The following ZFP90 variants were observed in gnomAD, a reference collection of about 807,000 sequenced individuals.
ZFP90 encodes the protein zinc finger protein 90 homolog.
In ZFP90, 38 loss-of-function variants were observed where a neutral mutation model predicts 60.8. The ratio of observed to expected loss-of-function variants is 0.62; its 90% CI spans 0.48 to 0.82. The LOEUF (loss-of-function observed/expected upper bound fraction) is 0.82, where lower values mean the gene tolerates loss of function less well. Among genes scored for constraint, ZFP90 ranks in the 40% least tolerant of loss-of-function variants. The pLI, the probability that ZFP90 is intolerant of heterozygous loss-of-function variation, is 0.00. For synonymous variants in ZFP90, 287 were observed against 264.8 expected (o/e 1.08, Z -0.82); for missense variants, 711 against 759.1 (o/e 0.94, Z 0.74).
exon 3 of ZFP90, chr16:68,576,037 AT>A (rs2091592674): frequency 7.5e-5 from 18 of 241,264 alleles, no homozygotes; most frequent in East Asian, 1.6e-4. Context: ...GGAAACATTT[AT>A]TTAAAAAAAA....
chr16:68,541,170 G>A (rs1001201401), intron 2 of ZFP90, among the ~76,000 whole-genome samples: 50 of 151,936 alleles, frequency 3.3e-4, no homozygotes, highest in Admixed American at 3.3e-3. Flanking sequence ...CTAGTAGCTG[G>A]GATTAACAGG....
At chr16:68,553,893 A>G (rs540612639) in intron 2 of ZFP90, among the ~76,000 whole-genome samples, 1 of 152,112 alleles carries the variant, frequency 6.6e-6, no homozygotes, top group Admixed American at 6.5e-5. Context: ...CCAAAGTGCT[A>G]GGATCACAGG....
At chr16:68,543,515 G>A (rs748598979) in intron 2 of ZFP90, among the ~76,000 whole-genome samples, 14 of 151,854 alleles carry the variant, frequency 9.2e-5, no homozygotes, top group Non-Finnish European at 1.8e-4. Flanking sequence ...TTATAGGATT[G>A]TTAGTAGCAA....
intron 2 of ZFP90, among the ~76,000 whole-genome samples, chr16:68,574,579 C>T (rs528262172): frequency 4.3e-4 from 66 of 152,138 alleles, no homozygotes; most frequent in Admixed American, 3.5e-3. Context: ...AGAAACAATT[C>T]CTGATCCTAG....
downstream of ZFP90, among the ~76,000 whole-genome samples, chr16:68,571,564 C>T (rs1407484978): frequency 6.6e-6 from 1 of 151,990 alleles, no homozygotes; most frequent in African/African-American, 2.4e-5. Context: ...CACCAGCACA[C>T]CTGAAGGATT....
intron 2 of ZFP90, chr16:68,573,828 C>T (rs1300272253): frequency 6.6e-6 from 1 of 152,284 alleles, no homozygotes; most frequent in East Asian, 1.9e-4. Flanking sequence ...TGTGGCACAG[C>T]TAGGGACTAC....
intron 2 of ZFP90, 118 bp downstream of exon 2, chr16:68,539,943 A>C (rs2091010033): frequency 2.2e-6 from 3 of 1,386,058 alleles, no homozygotes; most frequent in Non-Finnish European, 1.9e-6. Context: ...GCTTGGCTCG[A>C]TCGGAGCCTC....
At chr16:68,561,156 A>C (rs28636033) in intron 4 of ZFP90, among the ~76,000 whole-genome samples, 3,906 of 152,274 alleles carry the variant, frequency 0.026, 164 homozygotes, top group African/African-American at 0.089. Flanking sequence ...AGGCCTCCCA[A>C]AGTGCTGGGA....
In ZFP90 at chr16:68,565,518, T is replaced by C. The variant is rs1392473183; in HGVS notation, c.*820T>C. ...ACCACAATTTAACAGAAACTGTAGA[T>C]GGTTGAACTACTAGTGACTTTTTTC... On this transcript the variant is annotated 3_prime_UTR_variant, in exon 5 of 5. Coordinates refer to ENST00000563169, the MANE Select transcript of ZFP90 (RefSeq NM_001305203.2). 1.0e-6 allele frequency: 1 copy of C among 985,458 alleles called. No individual in the cohort carries two copies. Among genetic ancestry groups the C allele is most frequent in the Non-Finnish European group, 1.2e-6 (1 of 829,942 alleles). 61.0% of individuals were successfully genotyped at this position (985,458 alleles called of 1,614,324 possible).
chr16:68,549,392 T>G (rs900971950), intron 2 of ZFP90, among the ~76,000 whole-genome samples: 1 of 151,960 alleles, frequency 6.6e-6, no homozygotes, highest in Non-Finnish European at 1.5e-5. Context: ...TTTAAGAAAT[T>G]TTTGGCTGGG....
chr16:68,543,340 T>C (rs942673675), intron 2 of ZFP90, among the ~76,000 whole-genome samples: 14 of 152,182 alleles, frequency 9.2e-5, no homozygotes, highest in African/African-American at 3.4e-4. Context: ...ATATTATATT[T>C]GATAATAGTT....
At chr16:68,536,749 T>C (rs1254635972), upstream of ZFP90, among the ~76,000 whole-genome samples, 1 of 152,208 alleles carries the variant, frequency 6.6e-6, no homozygotes, top group Non-Finnish European at 1.5e-5. Context: ...CCAAATGTTT[T>C]CATCTTTCCT....
chr16:68,558,614 C>A (rs1156268689), intron 4 of ZFP90, 46 bp downstream of exon 4: 2 of 1,544,652 alleles, frequency 1.3e-6, no homozygotes, highest in Non-Finnish European at 1.8e-6. Flanking sequence ...CAGTTAATGG[C>A]ACAACTTAGG....
chr16:68,543,745 C>T (rs976978719), intron 2 of ZFP90, among the ~76,000 whole-genome samples: 4 of 151,008 alleles, frequency 2.6e-5, no homozygotes, highest in African/African-American at 9.8e-5. Flanking sequence ...ATTTTTGGTA[C>T]AGACAGGGTT....
At chr16:68,545,449 ATG>A (rs1023638309) in intron 2 of ZFP90, among the ~76,000 whole-genome samples, 1 of 152,212 alleles carries the variant, frequency 6.6e-6, no homozygotes, top group Non-Finnish European at 1.5e-5. Context: ...ACATGAAACA[ATG>A]TGATTTGCAC....
intron 2 of ZFP90, 121 bp downstream of exon 2, chr16:68,539,946 G>A: frequency 2.2e-6 from 3 of 1,360,752 alleles, no homozygotes; most frequent in Non-Finnish European, 3.0e-6. Flanking sequence ...TGGCTCGATC[G>A]GAGCCTCCTG....
At chr16:68,573,230 G>C (rs1239144668) in intron 2 of ZFP90, among the ~76,000 whole-genome samples, 2 of 152,210 alleles carry the variant, frequency 1.3e-5, no homozygotes, top group Non-Finnish European at 2.9e-5. Flanking sequence ...CTTGAGACTG[G>C]TTAGAGGCAA....
chr16:68,547,983 A>G (rs2091182241), intron 2 of ZFP90, among the ~76,000 whole-genome samples: 1 of 151,918 alleles, frequency 6.6e-6, no homozygotes. Flanking sequence ...GTGTACCACC[A>G]TGTCTGGCTA....
chr16:68,558,240 CT>C, intron 3 of ZFP90, 116 bp downstream of exon 3: 1 of 1,465,760 alleles, frequency 6.8e-7, no homozygotes, highest in Non-Finnish European at 9.4e-7. Flanking sequence ...GGGGTCAGAG[CT>C]TGTTAATCTC....
Sources: allele counts gnomAD v4.1 joint callset (sites outside exome capture counted in the v4.1 genomes callset), GRCh38; gene constraint gnomAD v4.1.1; transcripts MANE v1.5; gene names NCBI Gene and HGNC (gene_info 2026-07-23, HGNC 2026-07-21).